Variants in TPMT observed in about 807,000 individuals in gnomAD.
The protein encoded by TPMT is S-adenosyl-L-methionine:thiopurine S-methyltransferase.
A neutral mutation model predicts 34.2 loss-of-function variants in TPMT; 18 were observed. That is an observed-to-expected ratio of 0.53 (90% CI 0.36 to 0.78). The LOEUF is 0.78. TPMT is among the 30% of genes least tolerant of loss of function. TPMT has a pLI of 0.00. For missense variants in TPMT, 265 were observed against 288.1 expected (o/e 0.92, Z 0.58); for synonymous variants, 69 against 92.4 (o/e 0.75, Z 1.45).
At position 18,133,894 on chromosome 6, in the gene TPMT, A is replaced by G. The variant is rs1438149133; in HGVS notation, c.495-5T>C. 6.2e-7 allele frequency: 1 copy of G among 1,612,022 alleles called. No individual in the cohort carries two copies. The highest frequency in any genetic ancestry group is 8.5e-7 in the Non-Finnish European group (1 of 1,178,072). ...GAAAACATTGTATCTGCATAGCTAC[A>G]AAGAACACAAGAAGGTATTTGTTAC... On this transcript the variant is annotated splice_region_variant and splice_polypyrimidine_tract_variant and intron_variant, in intron 6 of 8. Transcript: ENST00000309983.
In TPMT at chr6:18,139,074, A is replaced by G. The variant is rs962163466; in HGVS notation, c.420-37T>C. The G allele has an allele frequency of 1.3e-6, 2 of 1,579,400 alleles. No homozygotes were observed. The highest frequency in any genetic ancestry group is 2.7e-5 in the African/African-American group (2 of 74,288). ...AGAAAAAACATTTTATGGGAGAAAA[A>G]TCAAATCTTTAAGAAGATGAGCAGC... is the stretch of plus-strand genomic sequence containing the variant. On this transcript the variant is annotated intron_variant, in intron 5 of 8. Coordinates refer to ENST00000309983, the MANE Select transcript of TPMT (RefSeq NM_000367.5). The surrounding 1 kb of genome is among the most constrained non-coding windows in gnomAD (Gnocchi z 4.2).
At chr6:18,144,543 T>G (rs1465646284) in intron 3 of TPMT, among the ~76,000 whole-genome samples, 1 of 151,776 alleles carries the variant, frequency 6.6e-6, no homozygotes, top group Non-Finnish European at 1.5e-5. Flanking sequence ...CATGCCTGGC[T>G]AATTTTTGTA....
At chr6:18,152,395 A>G (rs1046034028) in intron 1 of TPMT, among the ~76,000 whole-genome samples, 2 of 152,216 alleles carry the variant, frequency 1.3e-5, no homozygotes, top group African/African-American at 4.8e-5. Context: ...AGATTAAAGT[A>G]GATACTGAAC....
chr6:18,148,149 T>TC lies in TPMT; in HGVS notation c.141-235dup, dbSNP rs1339272839. On this transcript the variant is annotated intron_variant, in intron 2 of 8. Coordinates refer to ENST00000309983, the MANE Select transcript of TPMT (RefSeq NM_000367.5). This position sits in a 1 kb window ranked among gnomAD's most constrained non-coding sequence, Gnocchi z 4.1. ...TTAGTAATTAAAAATAATTTTTTTT[T>TC]CTTGGGGATGTTTTGAAAATTCTTT... Among the ~76,000 whole-genome samples, 1 of 152,190 alleles carries TC rather than the reference T, an allele frequency of 6.6e-6. No homozygotes were observed. Among genetic ancestry groups the TC allele is most frequent in the African/African-American group, 2.4e-5 (1 of 41,450 alleles).
Position 18,148,982 on chromosome 6 carries a change from TC to T in TPMT, c.140+5del. On this transcript the variant is annotated splice_donor_5th_base_variant and intron_variant, in intron 2 of 8. Transcript: ENST00000309983. The surrounding 1 kb of genome is among the most constrained non-coding windows in gnomAD (Gnocchi z 4.1). ...ATTTCTCTATTGTATACCAAATATT[TC>T]TTACTGATGTCCTTGTTCCTGATGA... 1 of 1,613,240 alleles carries T rather than the reference TC, an allele frequency of 6.2e-7. No homozygotes were observed. The highest frequency in any genetic ancestry group is 1.3e-5 in the African/African-American group (1 of 75,046).
rs953039733 is a variant in TPMT, at chr6:18,145,209, T to C, written c.234-1481A>G. ...AAAATCCCCAGGCTGGTGGGGAAAG[T>C]GAGGGCACAGCATTTAAAAACTTGG... On this transcript the variant is annotated intron_variant, in intron 3 of 8. Coordinates refer to ENST00000309983, the MANE Select transcript of TPMT (RefSeq NM_000367.5). The surrounding 1 kb of genome is among the most constrained non-coding windows in gnomAD (Gnocchi z 5.6). Among the ~76,000 whole-genome samples, 2 of 152,160 alleles carry C rather than the reference T, an allele frequency of 1.3e-5. No homozygotes were observed. Among genetic ancestry groups the C allele is most frequent in the Non-Finnish European group, 2.9e-5 (2 of 68,044 alleles).
intron 4 of TPMT, among the ~76,000 whole-genome samples, chr6:18,142,869 C>T (rs553534907): frequency 3.9e-5 from 6 of 152,188 alleles, no homozygotes; most frequent in African/African-American, 1.2e-4. Flanking sequence ...GCGGGTCTAT[C>T]GTAAATGTTG....
At position 18,138,931 on chromosome 6, in the gene TPMT, G is replaced by C; in HGVS notation, c.494+32C>G. On this transcript the variant is annotated intron_variant, in intron 6 of 8. Coordinates refer to ENST00000309983, the MANE Select transcript of TPMT (RefSeq NM_000367.5). This position sits in a 1 kb window ranked among gnomAD's most constrained non-coding sequence, Gnocchi z 4.1. ...AAAGTATAGTATACTAAAAAATTAAGACAGCTAAACAAAAAAAGAAAAATT... is the reference window on the plus strand; with the variant it reads ...AAAGTATAGTATACTAAAAAATTAACACAGCTAAACAAAAAAAGAAAAATT... 6.3e-7 allele frequency: 1 copy of C among 1,581,820 alleles called. No homozygotes were observed. Among genetic ancestry groups the C allele is most frequent in the Non-Finnish European group, 8.7e-7 (1 of 1,153,156 alleles).
In TPMT at chr6:18,146,595, G is replaced by A. The variant is rs1233993603; in HGVS notation, c.233+1228C>T. Among the ~76,000 whole-genome samples the A allele has an allele frequency of 6.6e-6, 1 of 152,114 alleles. No homozygotes were observed. Among genetic ancestry groups the A allele is most frequent in the Non-Finnish European group, 1.5e-5 (1 of 68,016 alleles). On this transcript the variant is annotated intron_variant, in intron 3 of 8. Transcript: ENST00000309983. This position sits in a 1 kb window ranked among gnomAD's most constrained non-coding sequence, Gnocchi z 6.2. Reference sequence around the variant, plus strand: ...TTTTCCTAATGTTGCCTCAGAACCTGTTTGTACTACATTGTTACCATTTAT... The same window carrying A: ...TTTTCCTAATGTTGCCTCAGAACCTATTTGTACTACATTGTTACCATTTAT...
intron 1 of TPMT, among the ~76,000 whole-genome samples, chr6:18,151,452 A>C (rs1784352819): frequency 6.6e-6 from 1 of 151,118 alleles, no homozygotes; most frequent in Admixed American, 6.6e-5. Flanking sequence ...TGGGCTACAG[A>C]TCAAGACCTT....
intron 3 of TPMT, among the ~76,000 whole-genome samples, chr6:18,144,607 G>A (rs377096172): frequency 7.8e-4 from 119 of 151,920 alleles, no homozygotes; most frequent in African/African-American, 2.7e-3. Flanking sequence ...TCGAGCTCCC[G>A]AACTCAGGTG....
At chr6:18,141,531 G>A (rs746137571) in intron 4 of TPMT, among the ~76,000 whole-genome samples, 1 of 151,970 alleles carries the variant, frequency 6.6e-6, no homozygotes, top group Non-Finnish European at 1.5e-5. Context: ...GTAGAGATGG[G>A]GTTTCGCCAT....
rs1487464577 is a variant in TPMT, at chr6:18,129,910, A to G, written c.*758T>C. The G allele has an allele frequency of 6.6e-6, 1 of 152,148 alleles. No homozygotes were observed. Among genetic ancestry groups the G allele is most frequent in the Admixed American group, 6.5e-5 (1 of 15,268 alleles). The allele number at this position is 152,148 out of a possible 1,614,324, so 9.4% of individuals were successfully genotyped here. A position where few individuals can be genotyped will look rare whatever the true frequency, so the allele number is the denominator to read the frequency against. ...AGTAAAAGACAAGGGTTTATAGTAA[A>G]AACTAATCTTTTATATAACTTTTGG... On this transcript the variant is annotated 3_prime_UTR_variant, in exon 9 of 9. Transcript: ENST00000309983.
At position 18,131,857 on chromosome 6, in the gene TPMT, A is replaced by G. The variant is rs1783951214; in HGVS notation, c.625+276T>C. ...CAGTGGCACAATCTTGGCTCACTAC[A>G]CTCTCTGCCTCCCAGGTTCAAGCAA... On this transcript the variant is annotated intron_variant, in intron 8 of 8. Coordinates refer to ENST00000309983, the MANE Select transcript of TPMT (RefSeq NM_000367.5). This position sits in a 1 kb window ranked among gnomAD's most constrained non-coding sequence, Gnocchi z 4.3. Among the ~76,000 whole-genome samples the G allele has an allele frequency of 6.6e-6, 1 of 151,704 alleles. No homozygotes were observed. The highest frequency in any genetic ancestry group is 1.5e-5 in the Non-Finnish European group (1 of 67,974).
Position 18,131,166 on chromosome 6 carries a change from A to G in TPMT, c.626-386T>C, listed in dbSNP as rs2150707612. Among the ~76,000 whole-genome samples, 1 of 152,332 alleles carries G rather than the reference A, an allele frequency of 6.6e-6. No homozygotes were observed. The highest frequency in any genetic ancestry group is 2.1e-4 in the South Asian group (1 of 4,834). On this transcript the variant is annotated intron_variant, in intron 8 of 8. Transcript: ENST00000309983. This position sits in a 1 kb window ranked among gnomAD's most constrained non-coding sequence, Gnocchi z 4.3. ...AACAAACAAACAAAACCTTGAAATT[A>G]TTTTAAAAACAGTGTACACTAAACA...
Position 18,139,631 on chromosome 6 carries a change from A to G in TPMT, c.419+34T>C. 6 of 1,589,386 alleles carry G rather than the reference A, an allele frequency of 3.8e-6. No individual in the cohort carries two copies. Among genetic ancestry groups the G allele is most frequent in the Non-Finnish European group, 5.2e-6 (6 of 1,157,872 alleles). Reference sequence around the variant, plus strand: ...CCTGCACTGCCTGGCAAGCATTCAAATTTTTTAAAGTGCAGATGTAGTATT... The same window carrying G: ...CCTGCACTGCCTGGCAAGCATTCAAGTTTTTTAAAGTGCAGATGTAGTATT... On this transcript the variant is annotated intron_variant, in intron 5 of 8. Transcript: ENST00000309983. This position sits in a 1 kb window ranked among gnomAD's most constrained non-coding sequence, Gnocchi z 4.2.
In TPMT at chr6:18,128,582, CCT is replaced by C. The variant is rs1220456299; in HGVS notation, c.*2084_*2085del. 1 of 152,284 alleles carries C rather than the reference CCT, an allele frequency of 6.6e-6. No individual in the cohort carries two copies. Among genetic ancestry groups the C allele is most frequent in the Non-Finnish European group, 1.5e-5 (1 of 68,102 alleles). 9.4% of individuals were successfully genotyped at this position (152,284 alleles called of 1,614,324 possible). A position where few individuals can be genotyped will look rare whatever the true frequency, so the allele number is the denominator to read the frequency against. ...GAAAATGGACCCAGGACGCAGGTGG[CCT>C]CTCTTTGGTTCTCATCTCTTTCTGC... On this transcript the variant is annotated 3_prime_UTR_variant, in exon 9 of 9. Transcript: ENST00000309983. This position sits in a 1 kb window ranked among gnomAD's most constrained non-coding sequence, Gnocchi z 4.6.
At position 18,154,434 on chromosome 6, in the gene TPMT, G is replaced by T. The variant is rs1010849441; in HGVS notation, c.-45+599C>A. 2.0e-5 allele frequency among the ~76,000 whole-genome samples: 3 copies of T among 152,084 alleles called. No homozygotes were observed. Among genetic ancestry groups the T allele is most frequent in the African/African-American group, 7.2e-5 (3 of 41,412 alleles). ...ACATCTTAAAAGAGTATGACTCGGT[G>T]AATTTTTTACATATACATACACCTG... On this transcript the variant is annotated intron_variant, in intron 1 of 8. Coordinates refer to ENST00000309983, the MANE Select transcript of TPMT (RefSeq NM_000367.5). This position sits in a 1 kb window ranked among gnomAD's most constrained non-coding sequence, Gnocchi z 4.2.
chr6:18,138,264 G>GT lies in TPMT; in HGVS notation c.494+698dup, dbSNP rs11341076. Among the ~76,000 whole-genome samples, 273 of 140,572 alleles carry GT rather than the reference G, an allele frequency of 1.9e-3. 1 individual carries two copies. The highest frequency in any genetic ancestry group is 6.0e-3 in the African/African-American group (225 of 37,360). The allele number at this position is 140,572 out of a possible 152,430, so 92.2% of individuals were successfully genotyped here. Reference sequence around the variant, plus strand: ...CCACATGAAATATTTTGATTTTTTTGTTTTTTTTTTTTTTTAAATATTTTA... The same window carrying GT: ...CCACATGAAATATTTTGATTTTTTTGTTTTTTTTTTTTTTTTAAATATTTTA... On this transcript the variant is annotated intron_variant, in intron 6 of 8. Transcript: ENST00000309983. The surrounding 1 kb of genome is among the most constrained non-coding windows in gnomAD (Gnocchi z 4.1).
Sources: allele counts gnomAD v4.1 joint callset (sites outside exome capture counted in the v4.1 genomes callset), GRCh38; gene constraint gnomAD v4.1.1; non-coding constraint Gnocchi (gnomAD v3.1); transcripts MANE v1.5; gene names NCBI Gene and HGNC (gene_info 2026-07-23, HGNC 2026-07-21).